The following ESYT2 variants were observed in gnomAD, a reference collection of about 807,000 sequenced individuals.
ESYT2 encodes extended synaptotagmin 2.
A neutral mutation model predicts 107.2 loss-of-function variants in ESYT2; 54 were observed. The ratio of observed to expected loss-of-function variants is 0.50; its 90% CI spans 0.40 to 0.63. The LOEUF is 0.63. ESYT2 is among the 30% of genes least tolerant of loss of function. The pLI is 0.00. For missense variants in ESYT2, 1,020 were observed against 1,094.5 expected (o/e 0.93, Z 0.96); for synonymous variants, 491 against 434.1 (o/e 1.13, Z -1.63).
chr7:158,782,629 A>G (rs1838946532), intron 6 of ESYT2, among the ~76,000 whole-genome samples: 1 of 110,636 alleles, frequency 9.0e-6, no homozygotes. Flanking sequence ...GAACATGTGA[A>G]GTGGGTATGT....
intron 17 of ESYT2, among the ~76,000 whole-genome samples, chr7:158,742,106 G>A (rs968678472): frequency 2.0e-5 from 3 of 152,156 alleles, no homozygotes; most frequent in Non-Finnish European, 4.4e-5. Flanking sequence ...CTGCTAAGCT[G>A]CACAGGCCAG....
chr7:158,767,593 C>A (rs756677247), intron 8 of ESYT2, 61 bp downstream of exon 8: 164 of 1,574,402 alleles, frequency 1.0e-4, no homozygotes, highest in Non-Finnish European at 3.6e-5. Flanking sequence ...AATGCCACAC[C>A]CGCAGGCAGG....
chr7:158,820,471 AAAT>A (rs1224829520), intron 1 of ESYT2, among the ~76,000 whole-genome samples: 1 of 152,214 alleles, frequency 6.6e-6, no homozygotes, highest in African/African-American at 2.4e-5. Flanking sequence ...AACACAATAA[AAAT>A]AATACTTTTA....
rs532849821 is a variant in ESYT2 at position 158,829,481 on chromosome 7, G to T, written c.-63C>A. On this transcript the variant is annotated 5_prime_UTR_variant, in exon 1 of 23. Coordinates refer to ENST00000275418, the MANE Select transcript of ESYT2 (RefSeq NM_001367773.1). ...GGCTGGGTGCTCGCGCTGATCCCGG[G>T]CGGCTCAGCCCCGCGCCAGCGCCCC... 1.6e-6 allele frequency: 2 copies of T among 1,215,842 alleles called. No homozygotes were observed. The highest frequency in any genetic ancestry group is 1.6e-5 in the African/African-American group (1 of 63,280). The allele number at this position is 1,215,842 out of a possible 1,614,324, so 75.3% of individuals were successfully genotyped here. A position where few individuals can be genotyped will look rare whatever the true frequency, so the allele number is the denominator to read the frequency against.
Position 158,741,635 on chromosome 7 carries a change from G to A in ESYT2, c.2056C>T (p.Leu686=). ...ACTGAGATGTGGCCTGGGGAGGCCA[G>A]GAGGCTGGAGGAGCTTCTGCCCAGG... ...HDLGRSSSSL[L]ASPGHISVKE... The change falls in exon 18 of 23, where the codon CTG becomes TTG. Residue 686 remains leucine (L), a synonymous_variant. Coordinates refer to ENST00000275418, the MANE Select transcript of ESYT2 (RefSeq NM_001367773.1). The A allele has an allele frequency of 1.2e-6, 2 of 1,613,560 alleles. No homozygotes were observed. Among genetic ancestry groups the A allele is most frequent in the South Asian group, 1.1e-5 (1 of 91,076 alleles).
intron 1 of ESYT2, among the ~76,000 whole-genome samples, chr7:158,824,747 T>C (rs1840389209): frequency 6.6e-6 from 1 of 152,226 alleles, no homozygotes; most frequent in Non-Finnish European, 1.5e-5. Context: ...TTGGCAATAG[T>C]AAAAGCAGGA....
chr7:158,817,425 C>CT (rs1373224570), intron 1 of ESYT2, among the ~76,000 whole-genome samples: 1 of 152,222 alleles, frequency 6.6e-6, no homozygotes, highest in Non-Finnish European at 1.5e-5. Context: ...TCAGAAAAAT[C>CT]TTTGAGTCCA....
Position 158,732,591 on chromosome 7 carries a change from A to G in ESYT2, c.*1616T>C, listed in dbSNP as rs2129470996. 6.6e-6 allele frequency: 1 copy of G among 152,654 alleles called. No individual in the cohort carries two copies. The highest frequency in any genetic ancestry group is 2.1e-4 in the South Asian group (1 of 4,824). The allele number at this position is 152,654 out of a possible 1,614,324, so 9.5% of individuals were successfully genotyped here. A position where few individuals can be genotyped will look rare whatever the true frequency, so the allele number is the denominator to read the frequency against. ...AATTGAAACAAAATCAAAATCTGCT[A>G]GAAGGGAGGGTGGGTAGACAGCCAC... On this transcript the variant is annotated 3_prime_UTR_variant, in exon 23 of 23. Coordinates refer to ENST00000275418, the MANE Select transcript of ESYT2 (RefSeq NM_001367773.1).
chr7:158,780,578 T>C (rs76085106), intron 6 of ESYT2, among the ~76,000 whole-genome samples: 4,463 of 152,294 alleles, frequency 0.029, 192 homozygotes, highest in East Asian at 0.12. Context: ...CTATCAACGA[T>C]GGAGTATTAA....
rs763473072 is a variant in ESYT2 at position 158,761,529 on chromosome 7, G to A, written c.1200C>T (p.Leu400=). Residue 400 remains leucine, a synonymous_variant, in exon 11 of 23, where the codon CTC becomes CTT. Transcript: ENST00000275418. ...DDFLGSLMID[L]IEVEKERLLD... ...AAAGGCGCTCCTTTTCAACTTCAATGAGGTCAATCATAAGACTATAAAAAT... is the reference window on the plus strand; with the variant it reads ...AAAGGCGCTCCTTTTCAACTTCAATAAGGTCAATCATAAGACTATAAAAAT... The A allele has an allele frequency of 6.8e-6, 11 of 1,613,974 alleles. No homozygotes were observed. In the South Asian group the frequency reaches 7.7e-5, roughly 11 times the overall value.
intron 3 of ESYT2, among the ~76,000 whole-genome samples, chr7:158,794,745 C>G (rs965581089): frequency 6.6e-6 from 1 of 152,138 alleles, no homozygotes; most frequent in Admixed American, 6.6e-5. Flanking sequence ...CCACTGTACT[C>G]CAGCCTGGGT....
At chr7:158,759,216 TAG>T (rs749150152) in intron 13 of ESYT2, among the ~76,000 whole-genome samples, 5 of 152,244 alleles carry the variant, frequency 3.3e-5, no homozygotes, top group African/African-American at 4.8e-5. Flanking sequence ...AGTGATTTTC[TAG>T]AGAGTTAACC....
intron 10 of ESYT2, 103 bp from the exon 11 acceptor site, chr7:158,761,647 G>A (rs1414097128): frequency 1.7e-5 from 18 of 1,058,630 alleles, no homozygotes; most frequent in Non-Finnish European, 2.1e-5. Context: ...ACAACCTTAA[G>A]CATTTGTCTA....
rs71200061 is a variant in ESYT2 at position 158,795,806 on chromosome 7, G to GCCC, written c.508-2081_508-2080insGGG. On this transcript the variant is annotated intron_variant, in intron 3 of 22. Transcript: ENST00000275418. ...GCGTCCCGTGTAGAGACATGGGCTC[G>GCCC]TCCTACGGGCGTCCTGTGTAGAGAC... Among the ~76,000 whole-genome samples, 943 of 152,324 alleles carry GCCC rather than the reference G, an allele frequency of 6.2e-3. 17 individuals carry two copies. The highest frequency in any genetic ancestry group is 0.022 in the African/African-American group (910 of 41,566).
intron 6 of ESYT2, 60 bp from the exon 7 acceptor site, chr7:158,773,456 T>C (rs1838445126): frequency 6.5e-7 from 1 of 1,545,256 alleles, no homozygotes; most frequent in Non-Finnish European, 8.9e-7. Flanking sequence ...TTGAATCAGG[T>C]GCACACAGGC....
chr7:158,795,381 A>G (rs1371811093), intron 3 of ESYT2, among the ~76,000 whole-genome samples: 3 of 152,280 alleles, frequency 2.0e-5, no homozygotes, highest in African/African-American at 7.2e-5. Flanking sequence ...GAACTCAAAC[A>G]TAATTAAATT....
chr7:158,776,972 C>G (rs1838589489), intron 6 of ESYT2, among the ~76,000 whole-genome samples: 1 of 151,940 alleles, frequency 6.6e-6, no homozygotes, highest in Non-Finnish European at 1.5e-5. Context: ...CCTGCTTCAG[C>G]CTCCCAAGTA....
At chr7:158,786,189 A>G (rs963158144) in intron 6 of ESYT2, among the ~76,000 whole-genome samples, 1 of 152,238 alleles carries the variant, frequency 6.6e-6, no homozygotes. Flanking sequence ...CATCAATGGA[A>G]GATCCAAACT....
chr7:158,785,825 A>G (rs1401193949), intron 6 of ESYT2, among the ~76,000 whole-genome samples: 1 of 152,220 alleles, frequency 6.6e-6, no homozygotes, highest in Non-Finnish European at 1.5e-5. Flanking sequence ...TTCCTTCAAC[A>G]AGTTCTACAT....
Sources: gnomAD v4.1 joint callset for allele counts (sites outside exome capture counted in the v4.1 genomes callset) on GRCh38, gnomAD v4.1.1 for gene constraint, MANE v1.5 for transcripts, NCBI Gene and HGNC (gene_info 2026-07-23, HGNC 2026-07-21) for gene names.